Variants in B3GALT1 observed in about 807,000 individuals in gnomAD.
B3GALT1 encodes the protein beta-1,3-galactosyltransferase 1.
A neutral mutation model predicts 23.2 loss-of-function variants in B3GALT1; 10 were observed. The ratio of observed to expected loss-of-function variants is 0.43; its 90% CI spans 0.27 to 0.73. The LOEUF is 0.73. B3GALT1 is among the 30% of genes least tolerant of loss of function. The pLI, the probability that B3GALT1 is intolerant of heterozygous loss-of-function variation, is 0.21. For synonymous variants in B3GALT1, 156 were observed against 141.5 expected (o/e 1.10, Z -0.73); for missense variants, 299 against 405.4 (o/e 0.74, Z 2.25).
chr2:167,736,702 G>C (rs1194179708), intron 3 of B3GALT1, among the ~76,000 whole-genome samples: 1 of 152,100 alleles, frequency 6.6e-6, no homozygotes. Flanking sequence ...AGGAGTTTGA[G>C]ACCAACCTGG....
chr2:167,441,870 T>C (rs997730216), intron 1 of B3GALT1, among the ~76,000 whole-genome samples: 2 of 146,710 alleles, frequency 1.4e-5, no homozygotes, highest in African/African-American at 5.5e-5. Flanking sequence ...TTTTTTTTTT[T>C]TTAATTTAAT....
chr2:167,732,887 G>A (rs1177671438), intron 3 of B3GALT1, among the ~76,000 whole-genome samples: 6 of 152,216 alleles, frequency 3.9e-5, no homozygotes, highest in African/African-American at 1.4e-4. Context: ...AGCACTTTGA[G>A]TGTTTACAGT....
chr2:167,715,167 C>T, intron 3 of B3GALT1: 1 of 1,613,910 alleles, frequency 6.2e-7, no homozygotes, highest in South Asian at 1.1e-5. Flanking sequence ...GCACCATTTT[C>T]CGATTGACTG....
chr2:167,303,989 T>C (rs1378664501), intron 1 of B3GALT1, among the ~76,000 whole-genome samples: 1 of 152,136 alleles, frequency 6.6e-6, no homozygotes, highest in Admixed American at 6.6e-5. Flanking sequence ...CATCAGAATT[T>C]ATAAGCTTAC....
intron 1 of B3GALT1, among the ~76,000 whole-genome samples, chr2:167,481,149 G>A (rs1331548614): frequency 6.6e-6 from 1 of 152,126 alleles, no homozygotes; most frequent in Non-Finnish European, 1.5e-5. Context: ...GGCCAAAAAT[G>A]TGCATCTTTG....
intron 1 of B3GALT1, among the ~76,000 whole-genome samples, chr2:167,310,290 T>C (rs2105485638): frequency 6.6e-6 from 1 of 152,214 alleles, no homozygotes; most frequent in South Asian, 2.1e-4. Flanking sequence ...TGACAGTGTT[T>C]GTTTATTTAC....
In B3GALT1 at chr2:167,746,749, GT is replaced by G. The variant is rs572821914; in HGVS notation, c.-351-71918del. Among the ~76,000 whole-genome samples the G allele has an allele frequency of 3.6e-3, 548 of 152,268 alleles. 2 individuals carry two copies. The highest frequency in any genetic ancestry group is 6.3e-3 in the Non-Finnish European group (431 of 68,016). ...ATACAGAGCTGCCATTATGAAATGT[GT>G]TTTTAAAGCTCAACATATTATGTGT... is the stretch of plus-strand genomic sequence containing the variant. On this transcript the variant is annotated intron_variant, in intron 3 of 4. Transcript: ENST00000392690.
intron 4 of B3GALT1, among the ~76,000 whole-genome samples, chr2:167,832,910 G>A (rs556623680): frequency 9.2e-5 from 14 of 152,286 alleles, no homozygotes; most frequent in African/African-American, 2.9e-4. Flanking sequence ...GGGGAGGAGC[G>A]GCTGCACATG....
At chr2:167,293,935 G>A (rs1318274132) in intron 1 of B3GALT1, among the ~76,000 whole-genome samples, 2 of 151,066 alleles carry the variant, frequency 1.3e-5, no homozygotes, top group Admixed American at 6.6e-5. Context: ...AGAGAAGTTG[G>A]GGGTGGGGGT....
intron 3 of B3GALT1, among the ~76,000 whole-genome samples, chr2:167,665,197 C>A (rs1472937709): frequency 2.0e-5 from 3 of 148,914 alleles, no homozygotes; most frequent in Non-Finnish European, 1.5e-5. Context: ...TGTCAAAGGC[C>A]TTTTCTGCAT....
chr2:167,311,422 A>G (rs900402961), intron 1 of B3GALT1, among the ~76,000 whole-genome samples: 63 of 152,210 alleles, frequency 4.1e-4, no homozygotes, highest in African/African-American at 1.5e-3. Context: ...AAATATTTGA[A>G]TCAAGGAAAG....
chr2:167,393,045 T>G (rs981612952), intron 1 of B3GALT1, among the ~76,000 whole-genome samples: 1 of 151,970 alleles, frequency 6.6e-6, no homozygotes, highest in African/African-American at 2.4e-5. Flanking sequence ...CCATCCTGGC[T>G]AACACGGTGA....
At chr2:167,387,472 A>G (rs1281605563) in intron 1 of B3GALT1, among the ~76,000 whole-genome samples, 2 of 152,218 alleles carry the variant, frequency 1.3e-5, no homozygotes, top group Non-Finnish European at 2.9e-5. Flanking sequence ...TTCAACTGCA[A>G]AATATCTTAT....
intron 1 of B3GALT1, among the ~76,000 whole-genome samples, chr2:167,454,293 A>T (rs1482142540): frequency 2.0e-5 from 3 of 152,204 alleles, no homozygotes; most frequent in Admixed American, 2.0e-4. Flanking sequence ...TGCGAATAGG[A>T]TGTCAGCTTG....
At chr2:167,448,912 T>G (rs1475665081) in intron 1 of B3GALT1, among the ~76,000 whole-genome samples, 2 of 152,176 alleles carry the variant, frequency 1.3e-5, no homozygotes, top group Non-Finnish European at 2.9e-5. Flanking sequence ...TGGCTATAAG[T>G]GTTTGGCTTT....
At chr2:167,554,560 C>A (rs1015670538) in intron 2 of B3GALT1, among the ~76,000 whole-genome samples, 7 of 152,174 alleles carry the variant, frequency 4.6e-5, no homozygotes, top group Non-Finnish European at 7.4e-5. Flanking sequence ...TAGTTTTCTT[C>A]TTTTTCCTCC....
chr2:167,645,262 A>G (rs1049861850), intron 2 of B3GALT1, among the ~76,000 whole-genome samples: 3 of 152,180 alleles, frequency 2.0e-5, no homozygotes, highest in Non-Finnish European at 2.9e-5. Flanking sequence ...GATCTTTTCT[A>G]GCAATACTTT....
intron 3 of B3GALT1, among the ~76,000 whole-genome samples, chr2:167,697,000 A>G (rs996332653): frequency 1.3e-5 from 2 of 152,172 alleles, no homozygotes; most frequent in South Asian, 4.1e-4. Flanking sequence ...TGTCTTGAAC[A>G]CAGTAAGAGT....
intron 2 of B3GALT1, among the ~76,000 whole-genome samples, chr2:167,577,680 G>A (rs1475759938): frequency 6.6e-6 from 1 of 151,708 alleles, no homozygotes; most frequent in Non-Finnish European, 1.5e-5. Context: ...TGATTTGTAT[G>A]TAACACAGTG....
Sources: allele counts gnomAD v4.1 joint callset (sites outside exome capture counted in the v4.1 genomes callset), GRCh38; gene constraint gnomAD v4.1.1; transcripts MANE v1.5; gene names NCBI Gene and HGNC (gene_info 2026-07-23, HGNC 2026-07-21).